SORCS1: variants seen among roughly 807,000 people sequenced by gnomAD.
SORCS1 encodes sortilin related VPS10 domain containing receptor 1.
In SORCS1, 60 loss-of-function variants were observed where a neutral mutation model predicts 146.1. The observed-to-expected ratio is 0.41, with a 90% CI of 0.33 to 0.51. The LOEUF is 0.51. Ranked by LOEUF, SORCS1 falls within the 20% of genes least tolerant of loss-of-function variation. SORCS1 has a pLI of 0.21. For synonymous variants in SORCS1, 637 were observed against 584.0 expected (o/e 1.09, Z -1.31); for missense variants, 1,352 against 1,487.6 (o/e 0.91, Z 1.50).
chr10:107,157,156 C>A (rs1464465929), intron 1 of SORCS1, among the ~76,000 whole-genome samples: 1 of 152,122 alleles, frequency 6.6e-6, no homozygotes, highest in East Asian at 1.9e-4. Context: ...AACTACAAGG[C>A]TAGGGTGCAG....
intron 9 of SORCS1, among the ~76,000 whole-genome samples, chr10:106,698,957 A>G (rs371402483): frequency 6.6e-6 from 1 of 152,322 alleles, no homozygotes; most frequent in East Asian, 1.9e-4. Flanking sequence ...CTGCCTCCCC[A>G]GACATTCCGC....
At chr10:107,130,500 G>A (rs1484737327) in intron 1 of SORCS1, among the ~76,000 whole-genome samples, 1 of 152,186 alleles carries the variant, frequency 6.6e-6, no homozygotes, top group Non-Finnish European at 1.5e-5. Flanking sequence ...GAAGAGCAAA[G>A]GCTGGGAGCA....
chr10:106,998,958 A>G (rs1957105953), intron 1 of SORCS1, among the ~76,000 whole-genome samples: 1 of 152,230 alleles, frequency 6.6e-6, no homozygotes, highest in Admixed American at 6.5e-5. Flanking sequence ...TGCTGACTAC[A>G]GAAGTTTGGC....
intron 1 of SORCS1, among the ~76,000 whole-genome samples, chr10:107,135,958 T>C (rs1967263195): frequency 6.6e-6 from 1 of 152,160 alleles, no homozygotes; most frequent in Non-Finnish European, 1.5e-5. Flanking sequence ...ATATGGTTGT[T>C]ATAGCAACTG....
At chr10:106,622,286 C>A (rs1847799617) in intron 19 of SORCS1, among the ~76,000 whole-genome samples, 2 of 99,874 alleles carry the variant, frequency 2.0e-5, no homozygotes, top group East Asian at 3.3e-4. Context: ...AAGATTCCAT[C>A]TCGAAAAAAA....
chr10:106,680,012 T>C (rs1297456843), intron 10 of SORCS1, among the ~76,000 whole-genome samples: 2 of 152,158 alleles, frequency 1.3e-5, no homozygotes, highest in African/African-American at 2.4e-5. Context: ...ACAATTTATA[T>C]AGAGGGCATG....
chr10:106,682,692 T>C (rs1020541373), intron 10 of SORCS1, among the ~76,000 whole-genome samples: 4 of 152,218 alleles, frequency 2.6e-5, no homozygotes. Flanking sequence ...CCTCTCTTCA[T>C]TTCTCTTGTC....
At chr10:106,923,840 T>C (rs1952845899) in intron 2 of SORCS1, among the ~76,000 whole-genome samples, 1 of 152,254 alleles carries the variant, frequency 6.6e-6, no homozygotes, top group Non-Finnish European at 1.5e-5. Context: ...AGAAAGCTTT[T>C]TTTATTATTG....
At chr10:106,767,466 G>A (rs1859660647) in intron 4 of SORCS1, among the ~76,000 whole-genome samples, 1 of 151,956 alleles carries the variant, frequency 6.6e-6, no homozygotes, top group Non-Finnish European at 1.5e-5. Flanking sequence ...TAAAATCTTG[G>A]CCTTAAAGAT....
At chr10:106,699,087 T>A (rs1224176860) in intron 9 of SORCS1, 127 bp downstream of exon 9, 3 of 751,954 alleles carry the variant, frequency 4.0e-6, no homozygotes, top group Non-Finnish European at 6.0e-6. Flanking sequence ...AATCTTTCCA[T>A]CTCCCAAGAG....
Position 106,677,449 on chromosome 10 carries a change from C to T in SORCS1, c.1741-45G>A, listed in dbSNP as rs770888687. 12 of 1,518,720 alleles carry T rather than the reference C, an allele frequency of 7.9e-6. No individual in the cohort carries two copies. In the South Asian group the frequency reaches 7.9e-5, roughly 10 times the overall value. The allele number at this position is 1,518,720 out of a possible 1,614,324, so 94.1% of individuals were successfully genotyped here. On this transcript the variant is annotated intron_variant, in intron 12 of 25. Transcript: ENST00000263054. ...ACATGGACACACATCCACATCCACA[C>T]ATACCCAGGCTTCAGAGAATCAGTC...
intron 24 of SORCS1, 122 bp downstream of exon 24, chr10:106,597,229 G>A (rs1373283264): frequency 1.1e-5 from 8 of 759,386 alleles, no homozygotes; most frequent in South Asian, 5.0e-5. Flanking sequence ...TCCAAGATCC[G>A]ATGACTGATT....
intron 12 of SORCS1, among the ~76,000 whole-genome samples, 173 bp downstream of exon 12, chr10:106,679,083 T>C (rs1292076724): frequency 2.0e-5 from 3 of 152,096 alleles, no homozygotes; most frequent in Non-Finnish European, 4.4e-5. Flanking sequence ...ATTCCATAAA[T>C]ATTTGCTACA....
chr10:107,056,620 T>C (rs1217171764), intron 1 of SORCS1, among the ~76,000 whole-genome samples: 1 of 152,180 alleles, frequency 6.6e-6, no homozygotes, highest in Admixed American at 6.5e-5. Context: ...TTCAAACACT[T>C]ATGGAAAGCA....
intron 18 of SORCS1, among the ~76,000 whole-genome samples, chr10:106,640,757 A>G (rs994388732): frequency 6.6e-6 from 1 of 152,194 alleles, no homozygotes; most frequent in East Asian, 1.9e-4. Flanking sequence ...GAGGACATCC[A>G]TCTTGAGTGA....
At chr10:106,599,077 T>G (rs1278582987) in intron 23 of SORCS1, among the ~76,000 whole-genome samples, 1 of 152,206 alleles carries the variant, frequency 6.6e-6, no homozygotes, top group Non-Finnish European at 1.5e-5. Context: ...CCAGAATGAT[T>G]CAGGTTTACA....
Position 107,095,389 on chromosome 10 carries a change from T to C in SORCS1, c.558+68580A>G, listed in dbSNP as rs149604331. 9.3e-3 allele frequency among the ~76,000 whole-genome samples: 1,410 copies of C among 152,262 alleles called. 18 individuals carry two copies. The highest frequency in any genetic ancestry group is 0.01 in the Non-Finnish European group (701 of 68,020). On this transcript the variant is annotated intron_variant, in intron 1 of 25. Transcript: ENST00000263054. ...AGGGTACACATTGACCTGACGCCAC[T>C]TCCCCACCTCATCATGCTGCATGTA...
chr10:106,797,268 T>C (rs946722635), intron 3 of SORCS1, among the ~76,000 whole-genome samples: 1 of 152,224 alleles, frequency 6.6e-6, no homozygotes, highest in African/African-American at 2.4e-5. Context: ...TGCATCAAAG[T>C]GTTTCAAAAA....
intron 1 of SORCS1, among the ~76,000 whole-genome samples, chr10:107,161,583 G>C (rs1348868711): frequency 3.3e-5 from 5 of 152,012 alleles, no homozygotes; most frequent in African/African-American, 1.2e-4. Flanking sequence ...CCACTTTAGA[G>C]ATGAAAAAAT....
Sources: gnomAD v4.1 joint callset for allele counts (sites outside exome capture counted in the v4.1 genomes callset) on GRCh38, gnomAD v4.1.1 for gene constraint, MANE v1.5 for transcripts, NCBI Gene and HGNC (gene_info 2026-07-23, HGNC 2026-07-21) for gene names.